Variants in UQCC1 observed in about 807,000 individuals in gnomAD.
UQCC1 encodes ubiquinol-cytochrome c reductase complex assembly factor 1.
In UQCC1, 38 loss-of-function variants were observed where a neutral mutation model predicts 48.0. That is an observed-to-expected ratio of 0.79 (90% CI 0.61 to 1.04). UQCC1 has a LOEUF of 1.04. Among genes scored for constraint, UQCC1 ranks in the 50% least tolerant of loss-of-function variants. UQCC1 has a pLI of 0.00. For synonymous variants in UQCC1, 111 were observed against 129.2 expected (o/e 0.86, Z 0.95); for missense variants, 368 against 381.8 (o/e 0.96, Z 0.30).
chr20:35,363,999 T>A (rs1252767072), intron 6 of UQCC1, among the ~76,000 whole-genome samples: 1 of 152,160 alleles, frequency 6.6e-6, no homozygotes, highest in East Asian at 1.9e-4. Context: ...CTTCTCCGAT[T>A]CTTGGAGGAT....
rs376923013 is a variant in UQCC1, at chr20:35,411,951, C to G, written c.13G>C (p.Val5Leu). 6.8e-6 allele frequency: 11 copies of G among 1,614,240 alleles called. No individual in the cohort carries two copies. In the South Asian group the frequency reaches 1.2e-4, roughly 18 times the overall value. The stretch of plus-strand genomic sequence containing the variant: ...ACTCCTTCACTCACAAGGACTCGCA[C>G]CAGCAACGCCATGTTCCTCAATAAC... MALL[V>L]RVLRNQTSIS... The change falls in exon 1 of 10, where the codon GTG (valine) becomes CTG (leucine). Residue 5 changes from valine (V) to leucine (L), a missense_variant. By Grantham distance (32) the Val-to-Leu change is conservative. Transcript: ENST00000374385.
At position 35,303,966 on chromosome 20, in the gene UQCC1, T is replaced by C. The variant is rs770264768; in HGVS notation, c.869A>G (p.His290Arg). ...TCCCTCGTCGTTGTAAGTCGGAGAA[T>C]GGGGCTTCAGGATGCTCTGAGGATT... The part of the protein sequence containing the change: ...EKNPQSILKP[H>R]SPTYNDEGL The change falls in exon 10 of 10, where the codon CAT becomes CGT. Residue 290 changes from histidine to arginine, a missense_variant. His to Arg is a conservative substitution (Grantham distance 29, BLOSUM62 0). Transcript: ENST00000374385. The C allele has an allele frequency of 6.2e-7, 1 of 1,614,126 alleles. No individual in the cohort carries two copies. Among genetic ancestry groups the C allele is most frequent in the Non-Finnish European group, 8.5e-7 (1 of 1,180,016 alleles).
intron 1 of UQCC1, among the ~76,000 whole-genome samples, chr20:35,398,310 T>C (rs1288097731): frequency 1.3e-5 from 2 of 152,220 alleles, no homozygotes; most frequent in Non-Finnish European, 2.9e-5. Context: ...GCCTTGGTTG[T>C]CTCTTTTTAT....
chr20:35,386,166 G>C (rs2061940473), intron 2 of UQCC1: 1 of 343,646 alleles, frequency 2.9e-6, no homozygotes, highest in African/African-American at 2.2e-5. Context: ...AGAAACCAAA[G>C]AGTTATTTTG....
At chr20:35,403,311 A>C (rs1424452092) in intron 1 of UQCC1, among the ~76,000 whole-genome samples, 2 of 152,194 alleles carry the variant, frequency 1.3e-5, no homozygotes, top group African/African-American at 4.8e-5. Context: ...TTTAATATAT[A>C]AAGAAAAAGA....
At chr20:35,316,944 CT>C (rs1046630669) in intron 7 of UQCC1, among the ~76,000 whole-genome samples, 1 of 146,226 alleles carries the variant, frequency 6.8e-6, no homozygotes, top group African/African-American at 2.5e-5. Context: ...GGCCCATTTC[CT>C]TTTTTTTTGA....
At chr20:35,401,698 G>C (rs1198064888) in intron 1 of UQCC1, among the ~76,000 whole-genome samples, 1 of 94,470 alleles carries the variant, frequency 1.1e-5, no homozygotes, top group South Asian at 3.4e-4. Flanking sequence ...TTTCACTCTT[G>C]TTGCCCAGAC....
chr20:35,402,445 G>A (rs1347702239), intron 1 of UQCC1, among the ~76,000 whole-genome samples: 1 of 151,988 alleles, frequency 6.6e-6, no homozygotes, highest in Non-Finnish European at 1.5e-5. Context: ...GGGTGTGGTG[G>A]TGGGCGCCTG....
chr20:35,318,272 AAAG>A (rs1219660117), intron 7 of UQCC1, among the ~76,000 whole-genome samples: 2 of 152,214 alleles, frequency 1.3e-5, no homozygotes, highest in Admixed American at 6.5e-5. Flanking sequence ...TGAAACCCAG[AAAG>A]AAGAGACTTA....
intron 7 of UQCC1, among the ~76,000 whole-genome samples, chr20:35,326,441 A>G (rs1203948112): frequency 6.6e-6 from 1 of 152,154 alleles, no homozygotes; most frequent in African/African-American, 2.4e-5. Context: ...CATGTCTCCT[A>G]TGTTGTGGTA....
At chr20:35,388,398 C>A (rs1209636244) in intron 2 of UQCC1, among the ~76,000 whole-genome samples, 2 of 147,174 alleles carry the variant, frequency 1.4e-5, no homozygotes, top group African/African-American at 5.0e-5. Context: ...CTCAAGGGAT[C>A]CTCCTGCCTC....
chr20:35,395,512 A>T (rs371159206), intron 1 of UQCC1, among the ~76,000 whole-genome samples: 95 of 147,890 alleles, frequency 6.4e-4, no homozygotes, highest in African/African-American at 1.7e-3. Flanking sequence ...ATAAATAAAT[A>T]AAAAAAAAAC....
At chr20:35,382,329 G>A (rs186317886) in intron 3 of UQCC1, among the ~76,000 whole-genome samples, 160 of 151,738 alleles carry the variant, frequency 1.1e-3, no homozygotes, top group African/African-American at 3.7e-3. Flanking sequence ...CTGGAGAGGG[G>A]GGGTCCATAG....
chr20:35,346,272 C>A (rs1452618002), intron 7 of UQCC1: 1 of 152,220 alleles, frequency 6.6e-6, no homozygotes, highest in Non-Finnish European at 1.5e-5. Flanking sequence ...GCTCAGGTCC[C>A]CCTTCCACAC....
intron 6 of UQCC1, among the ~76,000 whole-genome samples, chr20:35,354,825 C>T (rs948023143): frequency 6.6e-6 from 1 of 152,196 alleles, no homozygotes; most frequent in African/African-American, 2.4e-5. Flanking sequence ...GAAACTGTAA[C>T]TGTAAGCTTA....
At chr20:35,358,356 C>CAAAAAAAAAA (rs1198006186) in intron 6 of UQCC1, among the ~76,000 whole-genome samples, 4 of 49,388 alleles carry the variant, frequency 8.1e-5, no homozygotes, top group Non-Finnish European at 1.3e-4. Flanking sequence ...GACTCTGTCT[C>CAAAAAAAAAA]AAAAAAAAAA....
chr20:35,387,514 AT>A (rs747450589), intron 2 of UQCC1, among the ~76,000 whole-genome samples: 2,264 of 142,432 alleles, frequency 0.016, 52 homozygotes, highest in African/African-American at 0.051. Context: ...AACTAGGTGG[AT>A]TTTTTTTTTT....
At position 35,347,284 on chromosome 20, in the gene UQCC1, G is replaced by C; in HGVS notation, c.465-12C>G. The stretch of plus-strand genomic sequence containing the variant: ...GGACTAGACACATCCTGGGTGGGAA[G>C]AAGACAAAAAAAGTCTTGGCTGTTT... On this transcript the variant is annotated splice_polypyrimidine_tract_variant and intron_variant, in intron 6 of 9. Transcript: ENST00000374385. 1 of 1,612,842 alleles carries C rather than the reference G, an allele frequency of 6.2e-7. No homozygotes were observed. The highest frequency in any genetic ancestry group is 8.5e-7 in the Non-Finnish European group (1 of 1,179,096).
At chr20:35,325,637 G>GT (rs1429801525) in intron 7 of UQCC1, among the ~76,000 whole-genome samples, 8 of 152,176 alleles carry the variant, frequency 5.3e-5, no homozygotes, top group Non-Finnish European at 8.8e-5. Flanking sequence ...CACAGTACTT[G>GT]TCCTCAAGAA....
Sources: allele counts gnomAD v4.1 joint callset (sites outside exome capture counted in the v4.1 genomes callset), GRCh38; gene constraint gnomAD v4.1.1; transcripts MANE v1.5; gene names NCBI Gene and HGNC (gene_info 2026-07-23, HGNC 2026-07-21).